SERPINB7: variants seen among roughly 807,000 people sequenced by gnomAD.
SERPINB7 encodes serpin B7.
SERPINB7 carries 31 observed loss-of-function variants against 37.4 expected under a neutral mutation model. The ratio of observed to expected loss-of-function variants is 0.83; its 90% confidence interval spans 0.62 to 1.12. The LOEUF (loss-of-function observed/expected upper bound fraction) is 1.12. Ranked by LOEUF, SERPINB7 falls within the 50% of genes most tolerant of loss-of-function variation. The probability of loss-of-function intolerance (pLI) is 0.00; values close to 1 mark genes in which losing one functional copy is unlikely to be tolerated. For synonymous variants in SERPINB7, 163 were observed against 166.1 expected (o/e 0.98, Z 0.14); for missense variants, 521 against 455.3 (o/e 1.14, Z -1.31).
rs996471883 is a variant in SERPINB7 at position 63,786,401 on chromosome 18, G to A, written c.168+3861G>A. On this transcript the variant is annotated intron_variant, in intron 2 of 7. Coordinates refer to ENST00000398019, the MANE Select transcript of SERPINB7 (RefSeq NM_003784.4). ...ATGAAATATATACGTATACACACACGCATATATATATTTTTCTAAAGTTAT... is the reference window on the plus strand; with the variant it reads ...ATGAAATATATACGTATACACACACACATATATATATTTTTCTAAAGTTAT... 6.6e-5 allele frequency among the ~76,000 whole-genome samples: 10 copies of A among 150,778 alleles called. No individual in the cohort carries two copies. The East Asian group carries it at 7.8e-4, about 12-fold the overall frequency.
At chr18:63,767,698 G>A (rs1156615157) in intron 1 of SERPINB7, among the ~76,000 whole-genome samples, 1 of 151,760 alleles carries the variant, frequency 6.6e-6, no homozygotes, top group African/African-American at 2.4e-5. Context: ...TAAATGAGCT[G>A]GAAACTGTTA....
chr18:63,797,477 A>C (rs2049500601), intron 5 of SERPINB7, among the ~76,000 whole-genome samples: 1 of 152,196 alleles, frequency 6.6e-6, no homozygotes, highest in Non-Finnish European at 1.5e-5. Context: ...AATATTTAAC[A>C]TAAGGGTGTC....
intron 4 of SERPINB7, among the ~76,000 whole-genome samples, chr18:63,793,504 A>G (rs1460545336): frequency 6.6e-6 from 1 of 152,190 alleles, no homozygotes; most frequent in Non-Finnish European, 1.5e-5. Context: ...TCAAAACAGA[A>G]GAGAACGTGT....
chr18:63,776,878 T>C (rs1441425761), intron 1 of SERPINB7, among the ~76,000 whole-genome samples: 4 of 152,088 alleles, frequency 2.6e-5, no homozygotes, highest in African/African-American at 9.7e-5. Context: ...ATCACTAATG[T>C]ATTTCTTTTC....
intron 1 of SERPINB7, among the ~76,000 whole-genome samples, chr18:63,757,364 GTAT>G (rs1431468062): frequency 6.6e-6 from 1 of 152,160 alleles, no homozygotes; most frequent in African/African-American, 2.4e-5. Context: ...AAACTAAGTA[GTAT>G]TAATAATATC....
rs1011073198 is a variant in SERPINB7, at chr18:63,775,425, A to T, written c.-310A>T. ...CAGAAGCCAGGTCTACTCATCAATA[A>T]GCAGCTGCCTGTGCAGAGTGCAGGC... On this transcript the variant is annotated 5_prime_UTR_variant, in exon 1 of 8. The change creates a new upstream start codon in the 5' untranslated region. Coordinates refer to ENST00000398019, the MANE Select transcript of SERPINB7 (RefSeq NM_003784.4). 3.9e-5 allele frequency: 6 copies of T among 152,220 alleles called. No individual in the cohort carries two copies. The highest frequency in any genetic ancestry group is 8.8e-5 in the Non-Finnish European group (6 of 68,048). 9.4% of individuals were successfully genotyped at this position (152,220 alleles called of 1,614,324 possible).
intron 1 of SERPINB7, among the ~76,000 whole-genome samples, chr18:63,766,217 A>G (rs2049179906): frequency 6.6e-6 from 1 of 152,072 alleles, no homozygotes; most frequent in Non-Finnish European, 1.5e-5. Flanking sequence ...GGGAGGAGGG[A>G]ATTCTTTCGT....
chr18:63,776,588 T>C (rs1010062294), intron 1 of SERPINB7, among the ~76,000 whole-genome samples: 3 of 150,390 alleles, frequency 2.0e-5, no homozygotes, highest in Admixed American at 6.7e-5. Context: ...CTTAAGATAG[T>C]GCGAATTGAA....
chr18:63,782,154 C>A (rs568542547), intron 1 of SERPINB7, among the ~76,000 whole-genome samples: 3 of 151,772 alleles, frequency 2.0e-5, no homozygotes, highest in African/African-American at 4.8e-5. Context: ...TGTCCACCAA[C>A]GAGAAGAGAT....
intron 5 of SERPINB7, among the ~76,000 whole-genome samples, chr18:63,797,402 G>A (rs756201646): frequency 3.9e-5 from 6 of 151,976 alleles, no homozygotes; most frequent in Non-Finnish European, 8.8e-5. Context: ...TTCATATATA[G>A]CACTTATAAA....
intron 2 of SERPINB7, among the ~76,000 whole-genome samples, chr18:63,783,760 C>T (rs1268535860): frequency 1.3e-5 from 2 of 152,208 alleles, no homozygotes; most frequent in Non-Finnish European, 2.9e-5. Context: ...CTGCCCCCAC[C>T]TCCCTGTGCC....
At chr18:63,770,052 C>G (rs1390769457) in intron 1 of SERPINB7, among the ~76,000 whole-genome samples, 2 of 148,406 alleles carry the variant, frequency 1.3e-5, no homozygotes, top group African/African-American at 5.0e-5. Context: ...GCCGCTTCTG[C>G]TTGTGTTTGC....
At chr18:63,786,142 T>TACATATATACAC (rs2049368266) in intron 2 of SERPINB7, among the ~76,000 whole-genome samples, 1 of 45,958 alleles carries the variant, frequency 2.2e-5, no homozygotes, top group African/African-American at 6.4e-5. Flanking sequence ...TATACATATA[T>TACATATATACAC]ACACACACAC....
chr18:63,783,125 G>C (rs548563740), intron 2 of SERPINB7, among the ~76,000 whole-genome samples: 3 of 151,202 alleles, frequency 2.0e-5, no homozygotes, highest in East Asian at 1.9e-4. Context: ...GCGACAGAGC[G>C]AGACTCCGTC....
intron 1 of SERPINB7, among the ~76,000 whole-genome samples, chr18:63,764,669 G>C (rs2049171423): frequency 6.6e-6 from 1 of 152,140 alleles, no homozygotes; most frequent in South Asian, 2.1e-4. Context: ...ATGGACATAT[G>C]AATGGAGCAG....
chr18:63,787,683 C>A (rs1308974630), intron 2 of SERPINB7, among the ~76,000 whole-genome samples: 3 of 151,898 alleles, frequency 2.0e-5, no homozygotes, highest in Admixed American at 6.5e-5. Context: ...AAACAAAAAC[C>A]AAAAAAGAAT....
At chr18:63,771,843 T>G (rs2049213027), upstream of SERPINB7, among the ~76,000 whole-genome samples, 1 of 151,912 alleles carries the variant, frequency 6.6e-6, no homozygotes, top group Admixed American at 6.6e-5. Context: ...TTCTGACTTC[T>G]AAGGATAAGT....
chr18:63,796,121 A>G (rs2049485092), intron 4 of SERPINB7, 145 bp from the exon 5 acceptor site: 3 of 534,568 alleles, frequency 5.6e-6, no homozygotes, highest in African/African-American at 1.9e-5. Flanking sequence ...TCCCATTTCC[A>G]TATATCCCTA....
In SERPINB7 at chr18:63,798,763, C is replaced by T; in HGVS notation, c.597+17C>T. On this transcript the variant is annotated intron_variant, in intron 6 of 7. Transcript: ENST00000398019. The stretch of plus-strand genomic sequence containing the variant: ...TCTCCCAAGGTATGTCGTCAATCTC[C>T]TATTTAATTTAGAACTTTTCCACAA... 1.2e-6 allele frequency: 2 copies of T among 1,610,628 alleles called. No individual in the cohort carries two copies. Among genetic ancestry groups the T allele is most frequent in the Non-Finnish European group, 8.5e-7 (1 of 1,178,500 alleles).
Sources: allele counts gnomAD v4.1 joint callset (sites outside exome capture counted in the v4.1 genomes callset), GRCh38; gene constraint gnomAD v4.1.1; transcripts MANE v1.5; gene names NCBI Gene and HGNC (gene_info 2026-07-23, HGNC 2026-07-21).